Variants in PRR14L observed in about 807,000 individuals in gnomAD.
PRR14L encodes protein PRR14L.
In PRR14L, 80 loss-of-function variants were observed where a neutral mutation model predicts 155.0. The observed-to-expected ratio is 0.52, with a 90% CI of 0.43 to 0.62. The LOEUF is 0.62. Ranked by LOEUF, PRR14L falls within the 20% of genes least tolerant of loss-of-function variation. PRR14L has a pLI of 0.00. For synonymous variants in PRR14L, 883 were observed against 916.0 expected, an observed-to-expected ratio of 0.96 and a Z score of 0.65; for missense variants, 2,469 against 2,548.0, an observed-to-expected ratio of 0.97 and a Z score of 0.67.
intron 7 of PRR14L, among the ~76,000 whole-genome samples, chr22:31,693,484 T>A (rs1942504737): frequency 6.6e-6 from 1 of 152,238 alleles, no homozygotes; most frequent in Admixed American, 6.6e-5. Context: ...CTGACGGACA[T>A]CTTGGTTGCT....
chr22:31,719,237 AC>A (rs1185772704), intron 3 of PRR14L, among the ~76,000 whole-genome samples: 4 of 151,376 alleles, frequency 2.6e-5, no homozygotes, highest in Non-Finnish European at 5.9e-5. Context: ...CTCTGTCTCT[AC>A]AAAAAATTTA....
At chr22:31,732,842 C>T (rs1181855365) in intron 2 of PRR14L, among the ~76,000 whole-genome samples, 1 of 152,184 alleles carries the variant, frequency 6.6e-6, no homozygotes, top group East Asian at 1.9e-4. Context: ...GGATAATACT[C>T]CATGTATGTA....
chr22:31,693,160 G>C (rs144610268), intron 7 of PRR14L, among the ~76,000 whole-genome samples: 1,997 of 152,040 alleles, frequency 0.013, 15 homozygotes, highest in Middle Eastern at 0.031. Flanking sequence ...TATGAGTTTT[G>C]ACAAACACAT....
chr22:31,733,802 A>G (rs2074764186), intron 2 of PRR14L, among the ~76,000 whole-genome samples: 1 of 152,106 alleles, frequency 6.6e-6, no homozygotes, highest in South Asian at 2.1e-4. Context: ...ATAGTCAAAA[A>G]GCGACACCCT....
chr22:31,701,379 T>A (rs747644702), intron 7 of PRR14L, among the ~76,000 whole-genome samples: 1 of 152,078 alleles, frequency 6.6e-6, no homozygotes, highest in Admixed American at 6.6e-5. Flanking sequence ...AGCTCTGGGG[T>A]TGGGTAAATC....
intron 2 of PRR14L, among the ~76,000 whole-genome samples, chr22:31,729,070 A>C (rs1207931367): frequency 6.6e-6 from 1 of 152,176 alleles, no homozygotes; most frequent in Non-Finnish European, 1.5e-5. Flanking sequence ...TCCTCCTACA[A>C]GAGTGGAGTT....
intron 2 of PRR14L, among the ~76,000 whole-genome samples, chr22:31,727,469 A>T (rs2147870718): frequency 6.6e-6 from 1 of 151,898 alleles, no homozygotes; most frequent in South Asian, 2.1e-4. Flanking sequence ...TCCTGAGCTC[A>T]GGCAATCCAC....
At chr22:31,746,953 C>A (rs185462160) in intron 1 of PRR14L, among the ~76,000 whole-genome samples, 1 of 151,316 alleles carries the variant, frequency 6.6e-6, no homozygotes, top group Non-Finnish European at 1.5e-5. Context: ...CCCGCCACCA[C>A]GCCTGGCTAA....
At chr22:31,735,592 A>G (rs2074775680) in intron 2 of PRR14L, among the ~76,000 whole-genome samples, 1 of 151,936 alleles carries the variant, frequency 6.6e-6, no homozygotes, top group South Asian at 2.1e-4. Flanking sequence ...TTTATATCAA[A>G]CATTACATTA....
chr22:31,717,480 T>C (rs2074666806), intron 3 of PRR14L, among the ~76,000 whole-genome samples, 189 bp from the exon 4 acceptor site: 1 of 152,210 alleles, frequency 6.6e-6, no homozygotes, highest in Admixed American at 6.5e-5. Context: ...GCCAAAACTA[T>C]ATCTGGCAGA....
chr22:31,729,512 C>T (rs1022653517), intron 2 of PRR14L, among the ~76,000 whole-genome samples: 10 of 152,248 alleles, frequency 6.6e-5, no homozygotes, highest in Admixed American at 2.6e-4. Context: ...CCACCACGCC[C>T]GGCCTAGTTA....
chr22:31,700,693 A>G (rs2074558675), intron 7 of PRR14L, among the ~76,000 whole-genome samples: 1 of 151,922 alleles, frequency 6.6e-6, no homozygotes, highest in South Asian at 2.1e-4. Context: ...AGTAGCTGGG[A>G]TTACTGGCGT....
chr22:31,729,911 C>T (rs548210437), intron 2 of PRR14L, among the ~76,000 whole-genome samples: 102 of 152,084 alleles, frequency 6.7e-4, no homozygotes, highest in Non-Finnish European at 1.0e-3. Flanking sequence ...CGGTGGTTCA[C>T]GCCTGTAATC....
intron 4 of PRR14L, among the ~76,000 whole-genome samples, chr22:31,708,199 A>G (rs967676393): frequency 2.0e-5 from 3 of 152,122 alleles, no homozygotes; most frequent in Non-Finnish European, 4.4e-5. Flanking sequence ...TACTTGTAAC[A>G]GCAATTCATC....
chr22:31,711,063 G>A (rs542180607), intron 4 of PRR14L, among the ~76,000 whole-genome samples: 1 of 152,280 alleles, frequency 6.6e-6, no homozygotes, highest in East Asian at 1.9e-4. Context: ...TCAGAGTTAG[G>A]TGCTGGCTGT....
chr22:31,714,490 C>G lies in PRR14L; in HGVS notation c.3349G>C (p.Val1117Leu). ...AAGTCCACTGTAGAAGCAGCAGTAA[C>G]TGGGAAATCTGAATCCTGACCAGTT... Reference protein sequence around the residue: ...GTTGQDSDFPVTAASTVDFLK... With the variant: ...GTTGQDSDFPLTAASTVDFLK... Residue 1117 changes from valine to leucine, a missense_variant, in exon 4 of 9, where the codon GTT (valine) becomes CTT (leucine). By Grantham distance (32) the Val-to-Leu change is conservative. This residue lies in a region of PRR14L where 2,363 missense variants were observed against 2,371.6 expected (regional missense o/e 1.00). Transcript: ENST00000327423. 6.4e-7 allele frequency: 1 copy of G among 1,552,138 alleles called. No individual in the cohort carries two copies. Among genetic ancestry groups the G allele is most frequent in the African/African-American group, 1.4e-5 (1 of 73,176 alleles).
intron 7 of PRR14L, among the ~76,000 whole-genome samples, chr22:31,690,989 A>G (rs1176761251): frequency 2.0e-5 from 3 of 147,152 alleles, no homozygotes; most frequent in Middle Eastern, 3.6e-3. Flanking sequence ...TTTGAGACCA[A>G]GTCTCACTCT....
In PRR14L at chr22:31,682,614, C is replaced by T. The variant is rs2074460421; in HGVS notation, c.*2913G>A. The T allele has an allele frequency of 6.6e-6, 1 of 152,086 alleles. No homozygotes were observed. The highest frequency in any genetic ancestry group is 2.1e-4 in the South Asian group (1 of 4,816). 9.4% of individuals were successfully genotyped at this position (152,086 alleles called of 1,614,324 possible). On this transcript the variant is annotated 3_prime_UTR_variant, in exon 9 of 9. Coordinates refer to ENST00000327423, the MANE Select transcript of PRR14L (RefSeq NM_173566.3). ...ATGGAAAAAAAAACAAAAAACAAAA[C>T]ACAGTTGAAAGTTTCAGTGAAAAGC...
chr22:31,738,614 A>G lies in PRR14L; in HGVS notation c.247T>C (p.Leu83=), dbSNP rs1341410774. 1.3e-6 allele frequency: 2 copies of G among 1,551,922 alleles called. No individual in the cohort carries two copies. Among genetic ancestry groups the G allele is most frequent in the African/African-American group, 1.4e-5 (1 of 73,022 alleles). ...CGCCCAGGCTCACTCCCATGATCCA[A>G]GGTCTCATAGGTTTCTTCACAACAA... ...ESCCEETYET[L]DHGSEPGRCG... is the part of the protein sequence containing the mutation. The change falls in exon 2 of 9, where the codon TTG becomes CTG. Residue 83 remains leucine (L), a synonymous_variant. Transcript: ENST00000327423.
Sources: allele counts gnomAD v4.1 joint callset (sites outside exome capture counted in the v4.1 genomes callset), GRCh38; gene constraint gnomAD v4.1.1; regional missense constraint gnomAD v4.1.1; transcripts MANE v1.5; gene names NCBI Gene and HGNC (gene_info 2026-07-23, HGNC 2026-07-21).